Variants in PLXDC2 observed in about 807,000 individuals in gnomAD.
PLXDC2 encodes the protein plexin domain containing 2.
PLXDC2 carries 40 observed loss-of-function variants against 68.9 expected under a neutral mutation model. That is an observed-to-expected ratio of 0.58 (90% CI 0.45 to 0.76). The LOEUF (loss-of-function observed/expected upper bound fraction) is 0.76. Among genes scored for constraint, PLXDC2 ranks in the 30% least tolerant of loss-of-function variants. The pLI is 0.00. For synonymous variants in PLXDC2, 243 were observed against 234.2 expected, an observed-to-expected ratio of 1.04 and a Z score of -0.34; for missense variants, 644 against 661.9, an observed-to-expected ratio of 0.97 and a Z score of 0.30.
intron 1 of PLXDC2, among the ~76,000 whole-genome samples, chr10:19,832,717 T>C (rs1836718067): frequency 6.6e-6 from 1 of 152,206 alleles, no homozygotes; most frequent in African/African-American, 2.4e-5. Flanking sequence ...GCTATGTGCA[T>C]GTGTATAACA....
chr10:19,987,966 C>CTATT (rs1392278160), intron 1 of PLXDC2, among the ~76,000 whole-genome samples: 2 of 152,152 alleles, frequency 1.3e-5, no homozygotes, highest in Non-Finnish European at 2.9e-5. Flanking sequence ...ATTTCATACC[C>CTATT]TATTCCCTTT....
At chr10:20,214,330 C>G (rs1835108414) in intron 10 of PLXDC2, among the ~76,000 whole-genome samples, 1 of 151,696 alleles carries the variant, frequency 6.6e-6, no homozygotes, top group Admixed American at 6.6e-5. Flanking sequence ...TATTCTAAGA[C>G]CTAAATAGGT....
intron 1 of PLXDC2, among the ~76,000 whole-genome samples, chr10:20,000,819 G>A (rs1464924025): frequency 1.3e-5 from 2 of 152,102 alleles, no homozygotes; most frequent in Admixed American, 6.6e-5. Context: ...CTGCCTTTTG[G>A]AACCCATATC....
chr10:19,830,096 G>A (rs1836659553), intron 1 of PLXDC2, among the ~76,000 whole-genome samples: 1 of 152,112 alleles, frequency 6.6e-6, no homozygotes, highest in African/African-American at 2.4e-5. Flanking sequence ...TGATATATGG[G>A]TAAACAATGA....
intron 13 of PLXDC2, among the ~76,000 whole-genome samples, chr10:20,276,179 C>T (rs1349459865): frequency 6.6e-6 from 1 of 152,120 alleles, no homozygotes; most frequent in African/African-American, 2.4e-5. Context: ...CCTTTAATTT[C>T]AAAATCAGTC....
intron 1 of PLXDC2, among the ~76,000 whole-genome samples, chr10:19,834,354 A>AGAGAGAGAGT (rs376125037): frequency 3.4e-5 from 5 of 147,668 alleles, no homozygotes; most frequent in African/African-American, 1.3e-4. Context: ...AGAGAGAGAG[A>AGAGAGAGAGT]GTGTGTGTGT....
chr10:19,973,529 A>G (rs981613648), intron 1 of PLXDC2, among the ~76,000 whole-genome samples: 1 of 152,090 alleles, frequency 6.6e-6, no homozygotes, highest in African/African-American at 2.4e-5. Context: ...TCTACTTTCT[A>G]TTTAGAAGTT....
chr10:19,924,186 A>G (rs1397810623), intron 1 of PLXDC2, among the ~76,000 whole-genome samples: 1 of 152,026 alleles, frequency 6.6e-6, no homozygotes, highest in East Asian at 1.9e-4. Flanking sequence ...GGGACCCCTC[A>G]CGGGCTTATT....
At chr10:20,167,066 CT>C (rs1166268625) in intron 7 of PLXDC2, among the ~76,000 whole-genome samples, 1 of 152,020 alleles carries the variant, frequency 6.6e-6, no homozygotes, top group East Asian at 1.9e-4. Flanking sequence ...TTCTGTTAAC[CT>C]TACTGTTCCA....
chr10:20,258,272 A>C (rs1835768152), intron 13 of PLXDC2, among the ~76,000 whole-genome samples: 1 of 151,868 alleles, frequency 6.6e-6, no homozygotes, highest in Non-Finnish European at 1.5e-5. Context: ...AAGTGCTGGA[A>C]TTACAGGCGT....
Position 20,218,496 on chromosome 10 carries a change from A to G in PLXDC2, c.1274-568A>G, listed in dbSNP as rs528247607. ...TATTAAAGTCCACGAAAATATTCCT[A>G]TAATTTAAACCCTACCCTTTAGAGT... On this transcript the variant is annotated intron_variant, in intron 11 of 13. Transcript: ENST00000377252. 2.0e-5 allele frequency among the ~76,000 whole-genome samples: 3 copies of G among 152,296 alleles called. No homozygotes were observed. In the Middle Eastern group the frequency reaches 0.01, roughly 518 times the overall value.
At chr10:20,090,043 T>C (rs1256160587) in intron 4 of PLXDC2, among the ~76,000 whole-genome samples, 4 of 151,932 alleles carry the variant, frequency 2.6e-5, no homozygotes, top group African/African-American at 9.7e-5. Flanking sequence ...CACCGCAGAG[T>C]GTCAAGGAAG....
intron 1 of PLXDC2, among the ~76,000 whole-genome samples, chr10:19,869,573 T>C (rs556321271): frequency 6.6e-6 from 1 of 151,656 alleles, no homozygotes; most frequent in Non-Finnish European, 1.5e-5. Context: ...AACTATATCA[T>C]AGGAATCTTG....
chr10:20,146,528 C>G (rs943690597), intron 5 of PLXDC2, among the ~76,000 whole-genome samples: 1 of 147,750 alleles, frequency 6.8e-6, no homozygotes, highest in Non-Finnish European at 1.5e-5. Flanking sequence ...TCCTCCCTCC[C>G]TCCCTCCCTC....
intron 1 of PLXDC2, among the ~76,000 whole-genome samples, chr10:19,890,743 CTA>C (rs1486541503): frequency 2.4e-5 from 3 of 126,850 alleles, no homozygotes; most frequent in Non-Finnish European, 4.8e-5. Flanking sequence ...TTAAACTGAA[CTA>C]TGTGTACATA....
chr10:19,850,879 C>A (rs1458733337), intron 1 of PLXDC2, among the ~76,000 whole-genome samples: 1 of 152,128 alleles, frequency 6.6e-6, no homozygotes, highest in Admixed American at 6.6e-5. Flanking sequence ...TCAGAGGGCT[C>A]TCTGCTTCAA....
rs189806963 is a variant in PLXDC2 at position 20,208,424 on chromosome 10, C to T, written c.1062-3245C>T. On this transcript the variant is annotated intron_variant, in intron 9 of 13. Transcript: ENST00000377252. ...ATGAGAACAGTATGGGGGAAACTGC[C>T]CCTATGATTAGATTATCTCCCACTG... is the stretch of plus-strand genomic sequence containing the variant. 1.6e-3 allele frequency among the ~76,000 whole-genome samples: 241 copies of T among 146,650 alleles called. 1 individual carries two copies. The highest frequency in any genetic ancestry group is 5.6e-3 in the Admixed American group (84 of 14,904).
chr10:20,048,548 C>T (rs949015727), intron 3 of PLXDC2, among the ~76,000 whole-genome samples: 1 of 152,090 alleles, frequency 6.6e-6, no homozygotes, highest in African/African-American at 2.4e-5. Flanking sequence ...CCTACTATGG[C>T]ATTTATAGTG....
intron 1 of PLXDC2, among the ~76,000 whole-genome samples, chr10:19,904,655 C>T (rs1387060825): frequency 6.6e-6 from 1 of 152,110 alleles, no homozygotes; most frequent in Non-Finnish European, 1.5e-5. Flanking sequence ...TCTGAGGATT[C>T]TCTTGGATTT....
Sources: allele counts gnomAD v4.1 joint callset (sites outside exome capture counted in the v4.1 genomes callset), GRCh38; gene constraint gnomAD v4.1.1; transcripts MANE v1.5; gene names NCBI Gene and HGNC (gene_info 2026-07-23, HGNC 2026-07-21).